Variants in MIPOL1 observed in about 807,000 individuals in gnomAD.
MIPOL1 encodes mirror-image polydactyly 1, also known as mirror-image polydactyly gene 1 protein.
MIPOL1 carries 57 observed loss-of-function variants against 60.9 expected under a neutral mutation model. The ratio of observed to expected loss-of-function variants is 0.94; its 90% CI spans 0.76 to 1.17. MIPOL1 has a LOEUF of 1.17. MIPOL1 is among the 50% of genes most tolerant of loss of function. MIPOL1 has a pLI of 0.00. For synonymous variants in MIPOL1, 179 were observed against 168.8 expected (o/e 1.06, Z -0.47); for missense variants, 551 against 511.6 (o/e 1.08, Z -0.74).
At chr14:37,235,875 C>T (rs1971386936) in intron 1 of MIPOL1, among the ~76,000 whole-genome samples, 1 of 151,960 alleles carries the variant, frequency 6.6e-6, no homozygotes, top group East Asian at 1.9e-4. Context: ...TTCCTACCAG[C>T]AATACACAAG....
At chr14:37,269,674 A>G (rs2153388830) in intron 5 of MIPOL1, among the ~76,000 whole-genome samples, 1 of 152,304 alleles carries the variant, frequency 6.6e-6, no homozygotes, top group East Asian at 1.9e-4. Flanking sequence ...TGTATCAGAT[A>G]TTAAGATTAT....
intron 9 of MIPOL1, among the ~76,000 whole-genome samples, chr14:37,349,684 C>A (rs1247012379): frequency 6.6e-6 from 1 of 152,170 alleles, no homozygotes; most frequent in African/African-American, 2.4e-5. Context: ...ACTCTGTTGG[C>A]ACTCTGTATG....
chr14:37,207,226 T>C (rs1966232307), intron 1 of MIPOL1, among the ~76,000 whole-genome samples: 1 of 152,176 alleles, frequency 6.6e-6, no homozygotes, highest in Admixed American at 6.5e-5. Flanking sequence ...ACTGTTCTCC[T>C]GGTAGTGAAT....
chr14:37,470,854 TCTAGAAAGA>T (rs1324539953), intron 11 of MIPOL1, among the ~76,000 whole-genome samples: 1 of 152,104 alleles, frequency 6.6e-6, no homozygotes. Flanking sequence ...AAAAGGCATT[TCTAGAAAGA>T]ATTGGTCTCA....
intron 12 of MIPOL1, among the ~76,000 whole-genome samples, chr14:37,513,342 G>A (rs184876269): frequency 1.2e-4 from 18 of 151,982 alleles, no homozygotes; most frequent in Middle Eastern, 6.8e-3. Context: ...ATATAAAGTA[G>A]GTTTCTTTAG....
At chr14:37,287,555 A>C (rs2084676385) in intron 7 of MIPOL1, among the ~76,000 whole-genome samples, 1 of 152,184 alleles carries the variant, frequency 6.6e-6, no homozygotes, top group South Asian at 2.1e-4. Flanking sequence ...CACCTAGCCA[A>C]ATCACTGAAT....
At chr14:37,201,469 C>A (rs565950693) in intron 1 of MIPOL1, among the ~76,000 whole-genome samples, 1 of 152,212 alleles carries the variant, frequency 6.6e-6, no homozygotes, top group African/African-American at 2.4e-5. Context: ...AATGTCTAGA[C>A]AGTTCTGGAT....
chr14:37,298,539 T>C (rs2086014020), intron 7 of MIPOL1, among the ~76,000 whole-genome samples: 4 of 152,178 alleles, frequency 2.6e-5, no homozygotes, highest in Admixed American at 6.5e-5. Context: ...AGACAATTTT[T>C]GCAACCTACT....
chr14:37,406,412 T>C (rs894839665), intron 10 of MIPOL1, among the ~76,000 whole-genome samples: 2 of 152,168 alleles, frequency 1.3e-5, no homozygotes, highest in African/African-American at 4.8e-5. Flanking sequence ...AACAAAATAC[T>C]GCTTGCTAAA....
intron 7 of MIPOL1, among the ~76,000 whole-genome samples, chr14:37,299,547 G>C (rs1478660651): frequency 4.6e-5 from 7 of 152,088 alleles, no homozygotes; most frequent in Non-Finnish European, 1.0e-4. Flanking sequence ...GGGATAAGTA[G>C]ATTTTGGTGT....
At position 37,302,262 on chromosome 14, in the gene MIPOL1, G is replaced by GT. The variant is rs57468146; in HGVS notation, c.624-5774dup. ...GAATATACAAGCATTTGGAACTGTT[G>GT]TTTTTTTTTTTTTTTTTTTTCTTGT... On this transcript the variant is annotated intron_variant, in intron 7 of 12. Transcript: ENST00000684589. Among the ~76,000 whole-genome samples, 90 of 95,042 alleles carry GT rather than the reference G, an allele frequency of 9.5e-4. 2 individuals are homozygous for GT. The highest frequency in any genetic ancestry group is 3.0e-3 in the African/African-American group (79 of 26,592). 62.4% of individuals were successfully genotyped at this position (95,042 alleles called of 152,430 possible).
chr14:37,305,036 C>T (rs1311634943), intron 7 of MIPOL1, among the ~76,000 whole-genome samples: 4 of 151,640 alleles, frequency 2.6e-5, no homozygotes, highest in African/African-American at 9.7e-5. Flanking sequence ...GTTGTACATA[C>T]CACTAGTAAA....
chr14:37,395,947 T>A (rs1332886686), intron 10 of MIPOL1, among the ~76,000 whole-genome samples: 1 of 152,196 alleles, frequency 6.6e-6, no homozygotes, highest in Non-Finnish European at 1.5e-5. Context: ...AGTTGGTGAA[T>A]TCTTATTCAT....
chr14:37,536,141 G>A (rs1188929210), intron 12 of MIPOL1, among the ~76,000 whole-genome samples: 2 of 152,160 alleles, frequency 1.3e-5, no homozygotes, highest in Non-Finnish European at 2.9e-5. Context: ...TGAAGTTATA[G>A]GAGAAATCAA....
chr14:37,404,040 A>T (rs542922838), intron 10 of MIPOL1, among the ~76,000 whole-genome samples: 12 of 152,326 alleles, frequency 7.9e-5, no homozygotes, highest in African/African-American at 2.9e-4. Flanking sequence ...ATGAATATTT[A>T]AAATAGGAAA....
chr14:37,423,880 C>A (rs2093917675), intron 11 of MIPOL1: 1 of 152,078 alleles, frequency 6.6e-6, no homozygotes, highest in Non-Finnish European at 1.5e-5. Flanking sequence ...GTAACTAGAT[C>A]TAGCAGCAAG....
intron 11 of MIPOL1, among the ~76,000 whole-genome samples, chr14:37,431,580 T>TTTC (rs1386777595): frequency 8.9e-6 from 1 of 112,046 alleles, no homozygotes; most frequent in East Asian, 2.6e-4. Context: ...TTTTTTTTTT[T>TTTC]TTTTTTTTTT....
intron 1 of MIPOL1, among the ~76,000 whole-genome samples, chr14:37,227,220 G>C (rs1263738835): frequency 6.6e-6 from 1 of 152,142 alleles, no homozygotes; most frequent in Non-Finnish European, 1.5e-5. Flanking sequence ...GCATCTCTTA[G>C]GGAGAATCTA....
intron 9 of MIPOL1, among the ~76,000 whole-genome samples, chr14:37,311,045 T>C (rs985196524): frequency 5.3e-5 from 8 of 152,164 alleles, no homozygotes; most frequent in Non-Finnish European, 1.2e-4. Context: ...AGTTAAAGCC[T>C]GATTTCTCAG....
Sources: gnomAD v4.1 joint callset for allele counts (sites outside exome capture counted in the v4.1 genomes callset) on GRCh38, gnomAD v4.1.1 for gene constraint, MANE v1.5 for transcripts, NCBI Gene and HGNC (gene_info 2026-07-23, HGNC 2026-07-21) for gene names.